The following CPNE4 variants were observed in gnomAD, a reference collection of about 807,000 sequenced individuals.
CPNE4 encodes copine 4, also known as copine-4.
Under a neutral mutation model 67.9 loss-of-function variants are expected in CPNE4, and 25 were observed. The ratio of observed to expected loss-of-function variants is 0.37; its 90% CI spans 0.27 to 0.51. The LOEUF is 0.51. Among genes scored for constraint, CPNE4 ranks in the 20% least tolerant of loss-of-function variants. The probability of loss-of-function intolerance (pLI) is 0.93; values close to 1 mark genes in which losing one functional copy is unlikely to be tolerated. For missense variants in CPNE4, 464 were observed against 690.8 expected, an observed-to-expected ratio of 0.67 and a Z score of 3.68; for synonymous variants, 242 against 244.9, an observed-to-expected ratio of 0.99 and a Z score of 0.11.
intron 7 of CPNE4, among the ~76,000 whole-genome samples, chr3:131,658,151 T>C (rs1031178949): frequency 2.0e-5 from 3 of 152,120 alleles, no homozygotes; most frequent in Non-Finnish European, 2.9e-5. Context: ...TGTAAATTAC[T>C]ATGTTGGCCT....
At chr3:131,985,223 A>T (rs1389990250) in intron 1 of CPNE4, among the ~76,000 whole-genome samples, 1 of 152,082 alleles carries the variant, frequency 6.6e-6, no homozygotes, top group Non-Finnish European at 1.5e-5. Context: ...CATCACCTAA[A>T]TTACCTCCCA....
At chr3:131,906,236 A>G (rs576484055) in intron 1 of CPNE4, among the ~76,000 whole-genome samples, 30 of 148,094 alleles carry the variant, frequency 2.0e-4, no homozygotes, top group Non-Finnish European at 3.8e-4. Flanking sequence ...GTTTTGTTTT[A>G]TTTTGTTTTT....
At chr3:131,896,724 C>T (rs1467107042) in intron 2 of CPNE4, among the ~76,000 whole-genome samples, 3 of 152,026 alleles carry the variant, frequency 2.0e-5, no homozygotes. Context: ...TTGATGAAAT[C>T]CTCCATTGTA....
chr3:132,011,177 C>T (rs1268436347), intron 1 of CPNE4, among the ~76,000 whole-genome samples: 4 of 152,180 alleles, frequency 2.6e-5, no homozygotes, highest in Non-Finnish European at 5.9e-5. Flanking sequence ...AAGTGAACAG[C>T]CTGCTGAGAA....
chr3:131,603,908 G>A (rs1939354326), intron 7 of CPNE4, among the ~76,000 whole-genome samples: 1 of 152,168 alleles, frequency 6.6e-6, no homozygotes, highest in Non-Finnish European at 1.5e-5. Flanking sequence ...GCTAAAGGCT[G>A]TCTTACCTGG....
chr3:131,763,391 C>G (rs1387901006), intron 2 of CPNE4, among the ~76,000 whole-genome samples: 1 of 152,134 alleles, frequency 6.6e-6, no homozygotes, highest in Admixed American at 6.6e-5. Flanking sequence ...TATTCTTCCT[C>G]CAAATCTTCC....
At chr3:131,844,258 TC>T (rs1289362818) in intron 2 of CPNE4, among the ~76,000 whole-genome samples, 2 of 150,832 alleles carry the variant, frequency 1.3e-5, no homozygotes, top group South Asian at 2.1e-4. Context: ...CTCTGTATGT[TC>T]TTTTTTTTTT....
intron 2 of CPNE4, among the ~76,000 whole-genome samples, chr3:131,894,171 C>G (rs1298711021): frequency 6.6e-6 from 1 of 151,630 alleles, no homozygotes; most frequent in Non-Finnish European, 1.5e-5. Context: ...TATGAAGAAA[C>G]AGAAAATCTG....
At chr3:131,973,443 T>A (rs929384958) in intron 1 of CPNE4, among the ~76,000 whole-genome samples, 1 of 152,234 alleles carries the variant, frequency 6.6e-6, no homozygotes, top group Non-Finnish European at 1.5e-5. Context: ...TTCTATAGCC[T>A]CTGATATGGA....
intron 1 of CPNE4, among the ~76,000 whole-genome samples, chr3:132,015,050 T>C (rs1353305246): frequency 6.6e-6 from 1 of 152,226 alleles, no homozygotes; most frequent in Non-Finnish European, 1.5e-5. Context: ...TTATTTATCA[T>C]TGCATTCTTT....
At chr3:131,576,500 C>G (rs1937550614) in intron 9 of CPNE4, among the ~76,000 whole-genome samples, 1 of 152,082 alleles carries the variant, frequency 6.6e-6, no homozygotes, top group African/African-American at 2.4e-5. Context: ...CAAGGATAGT[C>G]ACATAACTGT....
At chr3:131,578,980 G>A (rs1937624928) in intron 9 of CPNE4, among the ~76,000 whole-genome samples, 2 of 152,184 alleles carry the variant, frequency 1.3e-5, no homozygotes, top group African/African-American at 4.8e-5. Context: ...ATTTGAGGAA[G>A]GTTACTACAC....
intron 2 of CPNE4, among the ~76,000 whole-genome samples, chr3:131,755,140 T>C (rs2107803539): frequency 6.6e-6 from 1 of 152,272 alleles, no homozygotes; most frequent in East Asian, 1.9e-4. Context: ...ATGCATTACT[T>C]TTTCAAATGA....
chr3:131,904,969 C>G (rs576576453), intron 2 of CPNE4, among the ~76,000 whole-genome samples: 1 of 152,174 alleles, frequency 6.6e-6, no homozygotes, highest in African/African-American at 2.4e-5. Context: ...TCCTGGTCCT[C>G]TTGCTACCTG....
intron 7 of CPNE4, among the ~76,000 whole-genome samples, chr3:131,669,173 C>T (rs1028151850): frequency 2.6e-5 from 4 of 152,136 alleles, no homozygotes; most frequent in African/African-American, 9.7e-5. Flanking sequence ...AGCCAACCTC[C>T]AGAAGCAGAA....
chr3:131,962,340 C>T (rs1393981941), intron 1 of CPNE4, among the ~76,000 whole-genome samples: 1 of 152,178 alleles, frequency 6.6e-6, no homozygotes, highest in Non-Finnish European at 1.5e-5. Context: ...TCTAACCACC[C>T]GATCTGACAG....
rs530286998 is a variant in CPNE4, at chr3:131,554,834, C to T, written c.1116+663G>A. 2.0e-5 allele frequency among the ~76,000 whole-genome samples: 3 copies of T among 152,106 alleles called. No homozygotes were observed. In the East Asian group the frequency reaches 5.8e-4, roughly 30 times the overall value. On this transcript the variant is annotated intron_variant, in intron 12 of 15. Transcript: ENST00000429747. ...TGCTGTCTCTCCAAGGCCCTGTCCA[C>T]CTAGTGGGCACGAGTTCTCTGTGGA...
chr3:132,003,595 TCTG>T (rs1343412994), intron 1 of CPNE4, among the ~76,000 whole-genome samples: 1 of 9,224 alleles, frequency 1.1e-4, no homozygotes, highest in Non-Finnish European at 8.0e-4. Context: ...TGACAGACCT[TCTG>T]CTCACCCTGG....
intron 7 of CPNE4, among the ~76,000 whole-genome samples, chr3:131,659,288 TCCTTC>T (rs897720247): frequency 6.7e-6 from 1 of 149,462 alleles, no homozygotes; most frequent in African/African-American, 2.5e-5. Flanking sequence ...CTCAGAATAA[TCCTTC>T]CCTTCATCAT....
Sources: gnomAD v4.1 joint callset for allele counts (sites outside exome capture counted in the v4.1 genomes callset) on GRCh38, gnomAD v4.1.1 for gene constraint, MANE v1.5 for transcripts, NCBI Gene and HGNC (gene_info 2026-07-23, HGNC 2026-07-21) for gene names.